The following ZC2HC1B variants were observed in gnomAD, a reference collection of about 807,000 sequenced individuals.
The protein encoded by ZC2HC1B is zinc finger C2HC-type containing 1B, also known as zinc finger C2HC domain-containing protein 1B.
A neutral mutation model predicts 31.0 loss-of-function variants in ZC2HC1B; 36 were observed. That is an observed-to-expected ratio of 1.16 (90% CI 0.89 to 1.54). The LOEUF is 1.54. ZC2HC1B is among the 40% of genes most tolerant of loss of function. The pLI is 0.00. For synonymous variants in ZC2HC1B, 73 were observed against 88.0 expected, an observed-to-expected ratio of 0.83 and a Z score of 0.95; for missense variants, 260 against 268.6, an observed-to-expected ratio of 0.97 and a Z score of 0.22.
At chr6:143,907,672 A>G (rs1777812546) in intron 6 of ZC2HC1B, among the ~76,000 whole-genome samples, 1 of 152,206 alleles carries the variant, frequency 6.6e-6, no homozygotes, top group South Asian at 2.1e-4. Flanking sequence ...GATGCTACAT[A>G]TTTGACCTTT....
intron 6 of ZC2HC1B, among the ~76,000 whole-genome samples, chr6:143,931,365 C>T (rs143203535): frequency 2.3e-3 from 351 of 152,174 alleles, no homozygotes; most frequent in African/African-American, 8.1e-3. Context: ...TGCCCAAATA[C>T]CTTGTGGGTT....
intron 6 of ZC2HC1B, among the ~76,000 whole-genome samples, chr6:143,935,453 C>T (rs927842938): frequency 3.9e-5 from 6 of 152,100 alleles, no homozygotes; most frequent in Non-Finnish European, 8.8e-5. Context: ...GCCCTGTCCT[C>T]AGGCCCAGTG....
At position 143,911,495 on chromosome 6, in the gene ZC2HC1B, T is replaced by A. The variant is rs1261499639; in HGVS notation, c.598+8343T>A. ...CAAATTCCCTCATCATTTGCTTGTC[T>A]GAAAAGGATGTTGTTTCTCCTTTGC... is the stretch of plus-strand genomic sequence containing the variant. On this transcript the variant is annotated intron_variant, in intron 6 of 7. Transcript: ENST00000237275. The surrounding 1 kb of genome is among the most constrained non-coding windows in gnomAD (Gnocchi z 4.5). Among the ~76,000 whole-genome samples, 1 of 152,234 alleles carries A rather than the reference T, an allele frequency of 6.6e-6. No individual in the cohort carries two copies. The highest frequency in any genetic ancestry group is 2.4e-5 in the African/African-American group (1 of 41,464).
rs1389336400 is a variant in ZC2HC1B, at chr6:143,886,723, A to T, written c.251A>T (p.Glu84Val). The T allele has an allele frequency of 1.3e-6, 2 of 1,547,402 alleles. No individual in the cohort carries two copies. Among genetic ancestry groups the T allele is most frequent in the South Asian group, 2.4e-5 (2 of 83,442 alleles). Residue 84 changes from glutamate (E) to valine (V), a missense_variant, in exon 4 of 8, where the codon GAA (glutamate) becomes GTA (valine). Coordinates refer to ENST00000237275, the MANE Select transcript of ZC2HC1B (RefSeq NM_001013623.3). The surrounding 1 kb of genome is among the most constrained non-coding windows in gnomAD (Gnocchi z 4.2). The stretch of plus-strand genomic sequence containing the variant: ...AAGTCTAACTGGAGACAACAACATG[A>T]AGACTTTATTAATGCAATCCGATCA... ...VRKSNWRQQH[E>V]DFINAIRSAK...
chr6:143,903,927 G>A lies in ZC2HC1B; in HGVS notation c.598+775G>A, dbSNP rs905236263. Among the ~76,000 whole-genome samples the A allele has an allele frequency of 6.6e-6, 1 of 152,082 alleles. No individual in the cohort carries two copies. Among genetic ancestry groups the A allele is most frequent in the Non-Finnish European group, 1.5e-5 (1 of 67,994 alleles). ...TTTATCTATTTATTTATTTTTAAATGTTCTCCATCTGTAGTTGTTAAATCT... is the reference window on the plus strand; with the variant it reads ...TTTATCTATTTATTTATTTTTAAATATTCTCCATCTGTAGTTGTTAAATCT... On this transcript the variant is annotated intron_variant, in intron 6 of 7. Transcript: ENST00000237275. This position sits in a 1 kb window ranked among gnomAD's most constrained non-coding sequence, Gnocchi z 4.3.
rs1777352436 is a variant in ZC2HC1B at position 143,872,513 on chromosome 6, C to T, written c.28+7946C>T. ...ACTTGGCCCCTGCCACCTCGGGATC[C>T]AAATATTCCCACTATATTTATTTTT... On this transcript the variant is annotated intron_variant, in intron 1 of 7. Coordinates refer to ENST00000237275, the MANE Select transcript of ZC2HC1B (RefSeq NM_001013623.3). This position sits in a 1 kb window ranked among gnomAD's most constrained non-coding sequence, Gnocchi z 5.5. Among the ~76,000 whole-genome samples, 1 of 152,152 alleles carries T rather than the reference C, an allele frequency of 6.6e-6. No individual in the cohort carries two copies. Among genetic ancestry groups the T allele is most frequent in the South Asian group, 2.1e-4 (1 of 4,828 alleles).
rs1457863549 is a variant in ZC2HC1B at position 143,914,356 on chromosome 6, AG to A, written c.598+11205del. Reference sequence around the variant, plus strand: ...TCCTTGATAACATTGGTTGCTTAAGAGTGTGTTGTTTAATTTCCACAAATTT... The same window carrying A: ...TCCTTGATAACATTGGTTGCTTAAGATGTGTTGTTTAATTTCCACAAATTT... On this transcript the variant is annotated intron_variant, in intron 6 of 7. Transcript: ENST00000237275. Among the ~76,000 whole-genome samples the A allele has an allele frequency of 1.3e-5, 2 of 152,120 alleles. 1 individual carries two copies. Among genetic ancestry groups the A allele is most frequent in the Non-Finnish European group, 2.9e-5 (2 of 68,018 alleles).
rs1008134560 is a variant in ZC2HC1B at position 143,933,732 on chromosome 6, C to T, written c.599-3917C>T. The stretch of plus-strand genomic sequence containing the variant: ...GCAGCCTGCAGCCTGGGACTCAGAT[C>T]TAGTCCCAGGCTCTAAGTTTCCCCA... On this transcript the variant is annotated intron_variant, in intron 6 of 7. Coordinates refer to ENST00000237275, the MANE Select transcript of ZC2HC1B (RefSeq NM_001013623.3). The surrounding 1 kb of genome is among the most constrained non-coding windows in gnomAD (Gnocchi z 6.4). 2.0e-5 allele frequency among the ~76,000 whole-genome samples: 3 copies of T among 152,168 alleles called. No homozygotes were observed. The highest frequency in any genetic ancestry group is 4.4e-5 in the Non-Finnish European group (3 of 68,020).
chr6:143,898,456 C>T (rs374500641), intron 4 of ZC2HC1B, 96 bp from the exon 5 acceptor site: 1 of 1,418,886 alleles, frequency 7.0e-7, no homozygotes, highest in Non-Finnish European at 9.5e-7. Flanking sequence ...CCATCATATC[C>T]TTATTTCACT....
chr6:143,935,646 CTTTTTTTTTT>C (rs759896830), intron 6 of ZC2HC1B, among the ~76,000 whole-genome samples: 21 of 55,856 alleles, frequency 3.8e-4, no homozygotes, highest in Admixed American at 2.9e-3. Flanking sequence ...TGGTATCACT[CTTTTTTTTTT>C]TTTTTTTTTT....
intron 1 of ZC2HC1B, among the ~76,000 whole-genome samples, chr6:143,866,073 C>T (rs1777258034): frequency 6.6e-6 from 1 of 152,208 alleles, no homozygotes; most frequent in African/African-American, 2.4e-5. Flanking sequence ...CCTCGGCCTC[C>T]CAAAGTGCTG....
chr6:143,893,911 C>T (rs965482905), intron 4 of ZC2HC1B, among the ~76,000 whole-genome samples: 13 of 152,248 alleles, frequency 8.5e-5, no homozygotes, highest in African/African-American at 3.1e-4. Flanking sequence ...TGGTCTTGAT[C>T]TCCTGACCTC....
At chr6:143,906,460 T>G (rs949090714) in intron 6 of ZC2HC1B, among the ~76,000 whole-genome samples, 3 of 152,122 alleles carry the variant, frequency 2.0e-5, no homozygotes, top group African/African-American at 7.2e-5. Context: ...TTGTTTTGTT[T>G]TGAGAGAGAG....
chr6:143,929,640 G>A (rs755419069), intron 6 of ZC2HC1B, among the ~76,000 whole-genome samples: 9 of 152,132 alleles, frequency 5.9e-5, no homozygotes, highest in Non-Finnish European at 1.0e-4. Flanking sequence ...AGTTTCAGTT[G>A]GATTGGTAGC....
intron 6 of ZC2HC1B, among the ~76,000 whole-genome samples, chr6:143,928,707 A>G (rs1167520645): frequency 1.3e-5 from 2 of 151,892 alleles, no homozygotes; most frequent in Non-Finnish European, 2.9e-5. Context: ...TGATTCTTCT[A>G]ATCTGTGAGA....
intron 6 of ZC2HC1B, among the ~76,000 whole-genome samples, chr6:143,910,286 C>G (rs577322788): frequency 6.8e-4 from 103 of 152,230 alleles, no homozygotes; most frequent in Middle Eastern, 3.4e-3. Flanking sequence ...GAGTGAATTT[C>G]TTACTCTTGA....
Position 143,868,913 on chromosome 6 carries a change from T to C in ZC2HC1B, c.28+4346T>C, listed in dbSNP as rs1332328898. Among the ~76,000 whole-genome samples, 1 of 152,156 alleles carries C rather than the reference T, an allele frequency of 6.6e-6. No individual in the cohort carries two copies. Among genetic ancestry groups the C allele is most frequent in the African/African-American group, 2.4e-5 (1 of 41,408 alleles). ...GGAAAAAGTAAATAAAATGAAGATA[T>C]CTTCTTAGTACACGTGTGTACATGC... On this transcript the variant is annotated intron_variant, in intron 1 of 7. Coordinates refer to ENST00000237275, the MANE Select transcript of ZC2HC1B (RefSeq NM_001013623.3). This position sits in a 1 kb window ranked among gnomAD's most constrained non-coding sequence, Gnocchi z 4.2.
chr6:143,896,486 T>C (rs1412392241), intron 4 of ZC2HC1B, among the ~76,000 whole-genome samples: 3 of 152,232 alleles, frequency 2.0e-5, no homozygotes, highest in African/African-American at 7.2e-5. Flanking sequence ...GTAAATGAAT[T>C]CTGAATGATA....
intron 1 of ZC2HC1B, among the ~76,000 whole-genome samples, chr6:143,864,864 A>G (rs1582946038): frequency 6.6e-6 from 1 of 152,240 alleles, no homozygotes; most frequent in Non-Finnish European, 1.5e-5. Context: ...TTATGTCAAT[A>G]TTGAGAATGT....
Sources: gnomAD v4.1 joint callset for allele counts (sites outside exome capture counted in the v4.1 genomes callset) on GRCh38, gnomAD v4.1.1 for gene constraint, Gnocchi (gnomAD v3.1) non-coding constraint, MANE v1.5 for transcripts, NCBI Gene and HGNC (gene_info 2026-07-23, HGNC 2026-07-21) for gene names.